Variants in RAD50 observed in about 807,000 individuals in gnomAD.
RAD50 encodes DNA repair protein RAD50.
RAD50 carries 132 observed loss-of-function variants against 168.8 expected under a neutral mutation model. The observed-to-expected ratio is 0.78, with a 90% CI of 0.68 to 0.90. RAD50 has a LOEUF of 0.90. Among genes scored for constraint, RAD50 ranks in the 40% least tolerant of loss-of-function variants. The pLI is 0.00. For missense variants in RAD50, 1,347 were observed against 1,534.4 expected (o/e 0.88, Z 2.04); for synonymous variants, 525 against 497.4 (o/e 1.06, Z -0.74).
intron 21 of RAD50, among the ~76,000 whole-genome samples, chr5:132,633,458 A>G (rs1282714717): frequency 6.6e-6 from 1 of 152,042 alleles, no homozygotes; most frequent in African/African-American, 2.4e-5. Flanking sequence ...AGGTAGTCAA[A>G]TCTTTAGTCT....
In RAD50 at chr5:132,618,211, A is replaced by T. The variant is rs780640956; in HGVS notation, c.3306A>T (p.Glu1102Asp). Residue 1102 changes from glutamate to aspartate, a missense_variant, in exon 21 of 25, where the codon GAA becomes GAT. Transcript: ENST00000378823. ...LREPQFRDAEEKYREMMIVMR... is the reference protein window; with the variant it reads ...LREPQFRDAEDKYREMMIVMR... ...AACCACAATTTCGGGATGCTGAGGA[A>T]AAGTATAGAGAAATGATGATTGTTA... 3 of 1,613,934 alleles carry T rather than the reference A, an allele frequency of 1.9e-6. No homozygotes were observed. In the African/African-American group the frequency reaches 4.0e-5, roughly 22 times the overall value.
intron 3 of RAD50, among the ~76,000 whole-genome samples, chr5:132,577,651 T>C (rs1750422179): frequency 6.6e-6 from 1 of 152,150 alleles, no homozygotes; most frequent in South Asian, 2.1e-4. Context: ...TTCTCCTTTT[T>C]TTTGCTCTGT....
At position 132,591,967 on chromosome 5, in the gene RAD50, C is replaced by T. The variant is rs2149842722; in HGVS notation, c.1726C>T (p.Leu576Phe). Reference sequence around the variant, plus strand: ...GGGATATTTTCCCAACAAAAAACAGCTTGAAGACTGGCTACATAGTAAATC... The same window carrying T: ...GGGATATTTTCCCAACAAAAAACAGTTTGAAGACTGGCTACATAGTAAATC... ...LLGYFPNKKQ[L>F]EDWLHSKSKE... is the part of the protein sequence containing the mutation. The change falls in exon 11 of 25, where the codon CTT (leucine) becomes TTT (phenylalanine). Residue 576 changes from leucine (L) to phenylalanine (F), a missense_variant. Coordinates refer to ENST00000378823, the MANE Select transcript of RAD50 (RefSeq NM_005732.4). 6.2e-7 allele frequency: 1 copy of T among 1,612,560 alleles called. No individual in the cohort carries two copies. The highest frequency in any genetic ancestry group is 8.5e-7 in the Non-Finnish European group (1 of 1,178,898).
At chr5:132,631,048 T>A (rs2149859537) in intron 21 of RAD50, among the ~76,000 whole-genome samples, 1 of 152,266 alleles carries the variant, frequency 6.6e-6, no homozygotes, top group South Asian at 2.1e-4. Flanking sequence ...TTCAGACTCT[T>A]AATGAGTATT....
At chr5:132,568,139 C>T (rs971499370) in intron 2 of RAD50, among the ~76,000 whole-genome samples, 7 of 151,720 alleles carry the variant, frequency 4.6e-5, no homozygotes, top group Admixed American at 3.3e-4. Flanking sequence ...GGCACAATCT[C>T]GGCTCACTGC....
chr5:132,597,125 T>C (rs1364928131), intron 13 of RAD50, among the ~76,000 whole-genome samples: 1 of 152,094 alleles, frequency 6.6e-6, no homozygotes, highest in African/African-American at 2.4e-5. Context: ...CTAATATTAA[T>C]ATATTGACTG....
At chr5:132,596,294 C>T (rs981592202) in intron 13 of RAD50, among the ~76,000 whole-genome samples, 3 of 152,180 alleles carry the variant, frequency 2.0e-5, no homozygotes, top group African/African-American at 7.2e-5. Context: ...CGTGCATAGC[C>T]AGTAAGCTTA....
chr5:132,640,885 G>C (rs951639804), intron 24 of RAD50, 80 bp downstream of exon 24: 1 of 1,599,046 alleles, frequency 6.3e-7, no homozygotes, highest in Non-Finnish European at 8.6e-7. Context: ...TCAAAACCAA[G>C]AGAGTTCTGT....
At position 132,630,016 on chromosome 5, in the gene RAD50, A is replaced by C. The variant is rs573031704; in HGVS notation, c.3390-7099A>C. On this transcript the variant is annotated intron_variant, in intron 21 of 24. Coordinates refer to ENST00000378823, the MANE Select transcript of RAD50 (RefSeq NM_005732.4). Reference sequence around the variant, plus strand: ...ATGTTCTACTCTCATTTTTCCCCAGATGTGGAAGGTTGCATATTAGGTAAT... The same window carrying C: ...ATGTTCTACTCTCATTTTTCCCCAGCTGTGGAAGGTTGCATATTAGGTAAT... Among the ~76,000 whole-genome samples, 8 of 151,268 alleles carry C rather than the reference A, an allele frequency of 5.3e-5. No homozygotes were observed. The East Asian group carries it at 1.4e-3, about 26-fold the overall frequency.
Position 132,604,874 on chromosome 5 carries a change from A to T in RAD50, c.2593A>T (p.Ser865Cys). ...GCAGGAACAGATTCAACATCTAAAA[A>T]GTACAACAAATGAGCTAAAATCTGA... is the stretch of plus-strand genomic sequence containing the variant. ...DQQEQIQHLK[S>C]TTNELKSEKL... The change falls in exon 16 of 25, where the codon AGT becomes TGT. Residue 865 changes from serine to cysteine, a missense_variant. Transcript: ENST00000378823. 2 of 1,613,862 alleles carry T rather than the reference A, an allele frequency of 1.2e-6. No individual in the cohort carries two copies. Among genetic ancestry groups the T allele is most frequent in the South Asian group, 2.2e-5 (2 of 91,060 alleles).
intron 23 of RAD50, 48 bp from the exon 24 acceptor site, chr5:132,640,624 A>C: frequency 6.2e-7 from 1 of 1,613,596 alleles, no homozygotes; most frequent in African/African-American, 1.3e-5. Context: ...GCCTGCCATG[A>C]GATGAGAAGG....
chr5:132,608,266 A>G (rs1336999070), intron 16 of RAD50, among the ~76,000 whole-genome samples: 1 of 152,168 alleles, frequency 6.6e-6, no homozygotes, highest in African/African-American at 2.4e-5. Flanking sequence ...ACACGCTAAT[A>G]TAATTGGGAG....
At chr5:132,603,160 T>C (rs183234936) in intron 13 of RAD50, 140 bp from the exon 14 acceptor site, 224 of 777,108 alleles carry the variant, frequency 2.9e-4, no homozygotes, top group African/African-American at 6.7e-4. Flanking sequence ...CATATTGATA[T>C]CATGATTCCA....
intron 21 of RAD50, among the ~76,000 whole-genome samples, chr5:132,629,605 C>T (rs1751428642): frequency 1.3e-5 from 2 of 152,124 alleles, no homozygotes; most frequent in Admixed American, 6.5e-5. Context: ...GGCTTATGCT[C>T]GCAAACAGTG....
intron 21 of RAD50, 48 bp from the exon 22 acceptor site, chr5:132,637,067 C>A: frequency 5.5e-6 from 8 of 1,443,256 alleles, no homozygotes; most frequent in Non-Finnish European, 7.4e-6. Flanking sequence ...TACTATTACA[C>A]ATAATTATTT....
Position 132,579,919 on chromosome 5 carries a change from A to G in RAD50, c.609A>G (p.Val203=). The G allele has an allele frequency of 6.2e-7, 1 of 1,612,752 alleles. No individual in the cohort carries two copies. The stretch of plus-strand genomic sequence containing the variant: ...TACGTCAGACACAAGGTCAGAAAGT[A>G]AAAGAATATCAAATGGAACTAAAAT... ...RQVRQTQGQK[V]KEYQMELKYL... The change falls in exon 5 of 25, where the codon GTA becomes GTG. Residue 203 remains valine (V), a synonymous_variant. Coordinates refer to ENST00000378823, the MANE Select transcript of RAD50 (RefSeq NM_005732.4).
intron 12 of RAD50, 78 bp downstream of exon 12, chr5:132,595,122 G>A (rs1285420308): frequency 3.4e-6 from 5 of 1,463,870 alleles, no homozygotes; most frequent in Admixed American, 1.7e-5. Flanking sequence ...TAAGGATGGG[G>A]AATTTAAAAA....
intron 19 of RAD50, among the ~76,000 whole-genome samples, chr5:132,610,809 G>A (rs953005609): frequency 1.3e-5 from 2 of 152,106 alleles, no homozygotes; most frequent in African/African-American, 4.8e-5. Context: ...ATTCGCAGCA[G>A]CTCTCTGTAT....
At position 132,643,751 on chromosome 5, in the gene RAD50, G is replaced by A. The variant is rs989730189; in HGVS notation, c.*1387G>A. 1.8e-5 allele frequency: 4 copies of A among 227,330 alleles called. No individual in the cohort carries two copies. Among genetic ancestry groups the A allele is most frequent in the South Asian group, 1.8e-4 (1 of 5,452 alleles). 14.1% of individuals were successfully genotyped at this position (227,330 alleles called of 1,614,324 possible). A position where few individuals can be genotyped will look rare whatever the true frequency, so the allele number is the denominator to read the frequency against. On this transcript the variant is annotated 3_prime_UTR_variant, in exon 25 of 25. Transcript: ENST00000378823. Reference sequence around the variant, plus strand: ...GGGGGGGGGTCCTAAATGTAATCACGAGTAAGATTAAGAGCAAATCAATTC... The same window carrying A: ...GGGGGGGGGTCCTAAATGTAATCACAAGTAAGATTAAGAGCAAATCAATTC...
Sources: allele counts gnomAD v4.1 joint callset (sites outside exome capture counted in the v4.1 genomes callset), GRCh38; gene constraint gnomAD v4.1.1; transcripts MANE v1.5; gene names NCBI Gene and HGNC (gene_info 2026-07-23, HGNC 2026-07-21).